The following MAP4K4 variants were observed in gnomAD, a reference collection of about 807,000 sequenced individuals.
MAP4K4 encodes HPK/GCK-like kinase HGK.
Under a neutral mutation model 189.6 loss-of-function variants are expected in MAP4K4, and 38 were observed. The ratio of observed to expected loss-of-function variants is 0.20; its 90% CI spans 0.15 to 0.26. The LOEUF is 0.26. Ranked by LOEUF, MAP4K4 falls within the 10% of genes least tolerant of loss-of-function variation. The pLI is 1.00. For synonymous variants in MAP4K4, 610 were observed against 624.3 expected, an observed-to-expected ratio of 0.98 and a Z score of 0.34; for missense variants, 1,054 against 1,726.9, an observed-to-expected ratio of 0.61 and a Z score of 6.91.
chr2:101,746,645 T>C (rs1231524237), intron 2 of MAP4K4, among the ~76,000 whole-genome samples: 1 of 152,170 alleles, frequency 6.6e-6, no homozygotes. Flanking sequence ...TTGGACTGTG[T>C]GTTTAACTGT....
At chr2:101,870,006 CT>C (rs2097935216) in intron 22 of MAP4K4, 1 of 669,728 alleles carries the variant, frequency 1.5e-6, no homozygotes, top group Non-Finnish European at 2.4e-6. Context: ...CCAGCGTGTA[CT>C]TTATTTTTTC....
At chr2:101,810,196 C>T (rs1280625437) in intron 3 of MAP4K4, among the ~76,000 whole-genome samples, 1 of 152,164 alleles carries the variant, frequency 6.6e-6, no homozygotes, top group Non-Finnish European at 1.5e-5. Context: ...TGGTTTGAAT[C>T]AAATCTTTCA....
At chr2:101,772,962 C>CA (rs1389198650) in intron 2 of MAP4K4, among the ~76,000 whole-genome samples, 1 of 152,190 alleles carries the variant, frequency 6.6e-6, no homozygotes, top group Non-Finnish European at 1.5e-5. Flanking sequence ...TCTGGGTTGA[C>CA]AAAGTCGGTT....
rs77684968 is a variant in MAP4K4, at chr2:101,775,145, G to A, written c.124-15575G>A. ...ATCAATCTTAACCTTCACGCTTCCT[G>A]CATGTTGTTGCTGAGTGGCTTTGTG... is the stretch of plus-strand genomic sequence containing the variant. On this transcript the variant is annotated intron_variant, in intron 2 of 32. Coordinates refer to ENST00000324219, the Ensembl canonical transcript of MAP4K4. 8.3e-3 allele frequency among the ~76,000 whole-genome samples: 1,243 copies of A among 150,412 alleles called. 6 individuals are homozygous for A. Among genetic ancestry groups the A allele is most frequent in the Non-Finnish European group, 0.011 (767 of 67,880 alleles).
chr2:101,833,160 C>T (rs2149444349), intron 7 of MAP4K4, among the ~76,000 whole-genome samples: 1 of 152,124 alleles, frequency 6.6e-6, no homozygotes, highest in East Asian at 1.9e-4. Context: ...TTGTTGTATT[C>T]GGATATATGT....
intron 23 of MAP4K4, 36 bp downstream of exon 23, chr2:101,870,451 T>G (rs1240657284): frequency 2.5e-6 from 4 of 1,609,912 alleles, no homozygotes; most frequent in Admixed American, 1.7e-5. Context: ...AGGCTGAGCT[T>G]CTCCTGTGGT....
intron 2 of MAP4K4, among the ~76,000 whole-genome samples, chr2:101,739,168 C>T (rs2061620434): frequency 2.6e-5 from 4 of 152,176 alleles, no homozygotes; most frequent in Admixed American, 2.6e-4. Context: ...TTGCAGTTGA[C>T]TCAAATAAAT....
chr2:101,703,617 C>CAAAAA (rs58122658), intron 2 of MAP4K4, among the ~76,000 whole-genome samples: 1 of 39,002 alleles, frequency 2.6e-5, no homozygotes, highest in Non-Finnish European at 5.5e-5. Flanking sequence ...GACTCTGTCT[C>CAAAAA]AAAAAAAAAA....
intron 2 of MAP4K4, among the ~76,000 whole-genome samples, chr2:101,772,168 A>G (rs148058241): frequency 6.6e-6 from 1 of 152,342 alleles, no homozygotes; most frequent in East Asian, 1.9e-4. Flanking sequence ...ATGGCCCCTG[A>G]TGGAGAATAC....
intron 2 of MAP4K4, among the ~76,000 whole-genome samples, chr2:101,782,242 G>A (rs1217305275): frequency 6.6e-6 from 1 of 152,232 alleles, no homozygotes; most frequent in East Asian, 1.9e-4. Context: ...TTATTGGGGA[G>A]TGGGTGGTGG....
exon 7 of MAP4K4, chr2:101,831,782 C>T: frequency 6.2e-7 from 1 of 1,610,140 alleles, no homozygotes; most frequent in Non-Finnish European, 8.5e-7. Context: ...CGTTCATAGG[C>T]ACTCCCTACT....
chr2:101,857,891 G>A (rs1395839259), intron 13 of MAP4K4, among the ~76,000 whole-genome samples: 4 of 152,156 alleles, frequency 2.6e-5, no homozygotes, highest in Non-Finnish European at 5.9e-5. Flanking sequence ...CATGACACAA[G>A]GGGATGGTCA....
At chr2:101,752,048 G>A (rs148612768) in intron 2 of MAP4K4, among the ~76,000 whole-genome samples, 1 of 152,268 alleles carries the variant, frequency 6.6e-6, no homozygotes, top group African/African-American at 2.4e-5. Flanking sequence ...CCATGTGAAC[G>A]TCCTCTGGGG....
chr2:101,871,288 C>A (rs1209816045), intron 23 of MAP4K4, among the ~76,000 whole-genome samples: 1 of 152,186 alleles, frequency 6.6e-6, no homozygotes, highest in Non-Finnish European at 1.5e-5. Context: ...AGCCGTGCAG[C>A]CACCAGATTA....
chr2:101,771,606 C>G (rs2081449279), intron 2 of MAP4K4, among the ~76,000 whole-genome samples: 1 of 152,176 alleles, frequency 6.6e-6, no homozygotes, highest in South Asian at 2.1e-4. Flanking sequence ...TAACCCTCAA[C>G]TTCCCTAGTT....
At chr2:101,818,259 A>G (rs1340729265) in intron 3 of MAP4K4, among the ~76,000 whole-genome samples, 2 of 152,138 alleles carry the variant, frequency 1.3e-5, no homozygotes, top group African/African-American at 4.8e-5. Context: ...TTCATTCTAA[A>G]TGTATATTCA....
At chr2:101,698,395 C>T (rs1002406827) in intron 1 of MAP4K4, 78 bp from the exon 2 acceptor site, 3 of 1,329,614 alleles carry the variant, frequency 2.3e-6, no homozygotes, top group South Asian at 2.3e-5. Flanking sequence ...ACCGCCTTTT[C>T]TCTCCAACTG....
chr2:101,838,454 T>A (rs1332333814), intron 9 of MAP4K4, among the ~76,000 whole-genome samples: 2 of 152,240 alleles, frequency 1.3e-5, no homozygotes, highest in African/African-American at 2.4e-5. Context: ...TCTTTTTCAC[T>A]TTTAATACTA....
chr2:101,864,302 G>A (rs1189451300), intron 17 of MAP4K4, among the ~76,000 whole-genome samples: 1 of 152,108 alleles, frequency 6.6e-6, no homozygotes, highest in Non-Finnish European at 1.5e-5. Flanking sequence ...AGTCTACAAA[G>A]AATAGGCTTC....
Sources: gnomAD v4.1 joint callset for allele counts (sites outside exome capture counted in the v4.1 genomes callset) on GRCh38, gnomAD v4.1.1 for gene constraint, MANE v1.5 for transcripts, NCBI Gene and HGNC (gene_info 2026-07-23, HGNC 2026-07-21) for gene names.